The following B4GALT5 variants were observed in gnomAD, a reference collection of about 807,000 sequenced individuals.
B4GALT5 encodes the protein UDP-Gal:beta-GlcNAc beta-1,4-galactosyltransferase 5.
In B4GALT5, 11 loss-of-function variants were observed where a neutral mutation model predicts 45.0. The ratio of observed to expected loss-of-function variants is 0.24; its 90% CI spans 0.15 to 0.40. The LOEUF (loss-of-function observed/expected upper bound fraction) is 0.40. Among genes scored for constraint, B4GALT5 ranks in the 10% least tolerant of loss-of-function variants. The probability of loss-of-function intolerance (pLI) is 1.00; values close to 1 mark genes in which losing one functional copy is unlikely to be tolerated. For synonymous variants in B4GALT5, 185 were observed against 182.9 expected, an observed-to-expected ratio of 1.01 and a Z score of -0.09; for missense variants, 337 against 500.2, an observed-to-expected ratio of 0.67 and a Z score of 3.11.
intron 1 of B4GALT5, among the ~76,000 whole-genome samples, chr20:49,663,691 A>AAAAAAAAAAAAAAAAAC (rs752026616): frequency 1.2e-5 from 1 of 85,824 alleles, no homozygotes; most frequent in African/African-American, 5.9e-5. Flanking sequence ...AAAAAAAAAA[A>AAAAAAAAAAAAAAAAAC]TATATACATA....
rs1447373043 is a variant in B4GALT5 at position 49,713,579 on chromosome 20, T to G, written c.112A>C (p.Ile38Leu). ...LLYFVYVAPG[I>L]VNTYLFMMQA... ...CGGTCCCAAGCCCCCTTCCTACCTA[T>G]GCCGGGCGCCACATAGACGAAGTAC... is the stretch of plus-strand genomic sequence containing the variant. The change falls in exon 1 of 9, where the codon ATA becomes CTA. Residue 38 changes from isoleucine (I) to leucine (L), a missense_variant. This residue lies in a region of B4GALT5 where 174 missense variants were observed against 207.4 expected (regional missense o/e 0.84). Coordinates refer to ENST00000371711, the MANE Select transcript of B4GALT5 (RefSeq NM_004776.4). 11 of 1,576,032 alleles carry G rather than the reference T, an allele frequency of 7.0e-6. No individual in the cohort carries two copies. In the Admixed American group the frequency reaches 2.1e-4, roughly 29 times the overall value.
intron 1 of B4GALT5, among the ~76,000 whole-genome samples, chr20:49,685,533 G>A (rs2085781666): frequency 1.3e-5 from 2 of 152,268 alleles, no homozygotes; most frequent in Non-Finnish European, 2.9e-5. Context: ...CAGTAGGGGA[G>A]AAAAACGCTG....
At chr20:49,678,105 A>G (rs1381290154) in intron 1 of B4GALT5, among the ~76,000 whole-genome samples, 1 of 152,234 alleles carries the variant, frequency 6.6e-6, no homozygotes, top group African/African-American at 2.4e-5. Context: ...CCACCTTAGG[A>G]CAAACAGCAA....
chr20:49,694,896 G>C (rs1343605555), intron 1 of B4GALT5, among the ~76,000 whole-genome samples: 1 of 151,982 alleles, frequency 6.6e-6, no homozygotes, highest in Non-Finnish European at 1.5e-5. Context: ...TTCACCAAGT[G>C]GGTGCCACAC....
chr20:49,668,832 C>T (rs1408405962), intron 1 of B4GALT5, among the ~76,000 whole-genome samples: 1 of 152,080 alleles, frequency 6.6e-6, no homozygotes, highest in East Asian at 1.9e-4. Flanking sequence ...GACACCTCCT[C>T]TGTATGAACG....
chr20:49,654,144 C>T (rs911950520), intron 2 of B4GALT5, among the ~76,000 whole-genome samples: 29 of 152,194 alleles, frequency 1.9e-4, no homozygotes, highest in African/African-American at 6.5e-4. Context: ...CAGGGGAGAG[C>T]GCTCTGGAAG....
rs139777853 is a variant in B4GALT5 at position 49,639,087 on chromosome 20, C to T, written c.917+591G>A. Among the ~76,000 whole-genome samples the T allele has an allele frequency of 2.1e-4, 32 of 152,246 alleles. No individual in the cohort carries two copies. The East Asian group carries it at 6.2e-3, about 29-fold the overall frequency. On this transcript the variant is annotated intron_variant, in intron 7 of 8. Coordinates refer to ENST00000371711, the MANE Select transcript of B4GALT5 (RefSeq NM_004776.4). ...CACAGAGATTTTAAATTACTGTTCA[C>T]TTGCCACTTTTTAAACACAAAATAA...
intron 1 of B4GALT5, among the ~76,000 whole-genome samples, chr20:49,696,855 A>G (rs540828559): frequency 2.0e-5 from 3 of 152,354 alleles, no homozygotes; most frequent in Non-Finnish European, 2.9e-5. Flanking sequence ...AATGTTTCTG[A>G]TGACACAGCT....
intron 1 of B4GALT5, among the ~76,000 whole-genome samples, chr20:49,710,405 C>CTTTT (rs751939911): frequency 6.2e-4 from 63 of 102,390 alleles, no homozygotes; most frequent in East Asian, 1.7e-3. Flanking sequence ...TTTTCTCTCT[C>CTTTT]TTTTTTTTTT....
intron 2 of B4GALT5, among the ~76,000 whole-genome samples, chr20:49,652,412 C>A (rs1195090488): frequency 1.3e-5 from 2 of 151,318 alleles, no homozygotes; most frequent in African/African-American, 2.4e-5. Flanking sequence ...TAGAAAGATG[C>A]CACTGGGACA....
At chr20:49,654,618 G>A (rs1248167531) in intron 2 of B4GALT5, among the ~76,000 whole-genome samples, 1 of 152,186 alleles carries the variant, frequency 6.6e-6, no homozygotes, top group African/African-American at 2.4e-5. Flanking sequence ...TTTAAGAGAG[G>A]CAATGTTTTC....
intron 1 of B4GALT5, among the ~76,000 whole-genome samples, chr20:49,708,309 GA>G (rs1345532415): frequency 2.0e-5 from 3 of 152,114 alleles, no homozygotes; most frequent in African/African-American, 4.8e-5. Flanking sequence ...GAATGTAAAT[GA>G]ATTATCAACA....
chr20:49,668,352 C>A (rs1015302546), intron 1 of B4GALT5, among the ~76,000 whole-genome samples: 3 of 152,016 alleles, frequency 2.0e-5, no homozygotes, highest in Admixed American at 6.6e-5. Flanking sequence ...AAAATGCTGT[C>A]TAAACAGATA....
intron 1 of B4GALT5, chr20:49,684,519 C>T (rs542430191): frequency 3.6e-5 from 18 of 506,420 alleles, no homozygotes; most frequent in East Asian, 2.9e-4. Flanking sequence ...GCCAAGGTTG[C>T]GCCACTGCAC....
chr20:49,638,300 G>A (rs149355652), intron 7 of B4GALT5, among the ~76,000 whole-genome samples: 107 of 152,306 alleles, frequency 7.0e-4, no homozygotes, highest in African/African-American at 2.3e-3. Flanking sequence ...TTACAGGTGT[G>A]AGCCACAGTG....
chr20:49,667,933 C>G (rs2085698868), intron 1 of B4GALT5, among the ~76,000 whole-genome samples: 1 of 152,110 alleles, frequency 6.6e-6, no homozygotes, highest in African/African-American at 2.4e-5. Context: ...AGAGAAAATA[C>G]AGCTTTTTTA....
intron 1 of B4GALT5, among the ~76,000 whole-genome samples, chr20:49,698,091 G>A (rs1422149582): frequency 6.6e-6 from 1 of 152,152 alleles, no homozygotes; most frequent in Non-Finnish European, 1.5e-5. Context: ...AGAGGCAGAG[G>A]CAGGCAGATT....
chr20:49,639,644 T>C (rs746723341), intron 7 of B4GALT5, 34 bp downstream of exon 7: 1 of 1,610,628 alleles, frequency 6.2e-7, no homozygotes, highest in Non-Finnish European at 8.5e-7. Flanking sequence ...TAAGGTAGCA[T>C]TTCTAGAAGA....
At chr20:49,666,443 T>C (rs1227325884) in intron 1 of B4GALT5, among the ~76,000 whole-genome samples, 1 of 152,136 alleles carries the variant, frequency 6.6e-6, no homozygotes, top group Non-Finnish European at 1.5e-5. Context: ...CATCCCACTA[T>C]AAAATGTGGG....
Sources: allele counts gnomAD v4.1 joint callset (sites outside exome capture counted in the v4.1 genomes callset), GRCh38; gene constraint gnomAD v4.1.1; regional missense constraint gnomAD v4.1.1; transcripts MANE v1.5; gene names NCBI Gene and HGNC (gene_info 2026-07-23, HGNC 2026-07-21).